The following AGTR1 variants were observed in gnomAD, a reference collection of about 807,000 sequenced individuals.
The protein encoded by AGTR1 is type-1 angiotensin II receptor.
In AGTR1, 16 loss-of-function variants were observed where a neutral mutation model predicts 19.4. That is an observed-to-expected ratio of 0.82 (90% CI 0.56 to 1.25). AGTR1 has a LOEUF of 1.25. Ranked by LOEUF, AGTR1 falls within the 50% of genes most tolerant of loss-of-function variation. The pLI, the probability that AGTR1 is intolerant of heterozygous loss-of-function variation, is 0.00. For missense variants in AGTR1, 373 were observed against 431.9 expected (o/e 0.86, Z 1.21); for synonymous variants, 153 against 154.9 (o/e 0.99, Z 0.09).
chr3:148,729,217 C>G (rs1714116719), intron 2 of AGTR1, among the ~76,000 whole-genome samples: 1 of 151,980 alleles, frequency 6.6e-6, no homozygotes. Context: ...CTTGCGATGG[C>G]AAAGTTAAAA....
chr3:148,718,371 G>A (rs757652869), intron 2 of AGTR1, among the ~76,000 whole-genome samples: 10 of 152,188 alleles, frequency 6.6e-5, no homozygotes, highest in Admixed American at 6.6e-4. Context: ...GCATATGCTA[G>A]GGAAAGGTTT....
At chr3:148,724,128 T>G (rs1406774359) in intron 2 of AGTR1, among the ~76,000 whole-genome samples, 1 of 152,202 alleles carries the variant, frequency 6.6e-6, no homozygotes, top group Non-Finnish European at 1.5e-5. Context: ...TAAGTTTATA[T>G]TTTAAAGTTA....
intron 2 of AGTR1, among the ~76,000 whole-genome samples, chr3:148,717,907 T>A (rs914303309): frequency 2.6e-5 from 4 of 152,236 alleles, no homozygotes; most frequent in African/African-American, 4.8e-5. Context: ...GAGATCTATA[T>A]AAAACACTAG....
At chr3:148,712,470 AG>A (rs1291689052) in intron 2 of AGTR1, among the ~76,000 whole-genome samples, 1 of 152,162 alleles carries the variant, frequency 6.6e-6, no homozygotes, top group Non-Finnish European at 1.5e-5. Context: ...TATAGACACC[AG>A]AAAAAAACAG....
intron 2 of AGTR1, among the ~76,000 whole-genome samples, chr3:148,712,969 G>A (rs1386762432): frequency 6.6e-6 from 1 of 152,018 alleles, no homozygotes; most frequent in Non-Finnish European, 1.5e-5. Flanking sequence ...GGCGCCCCCT[G>A]GACTTCTGCT....
intron 1 of AGTR1, chr3:148,698,399 G>A (rs1400273049): frequency 2.0e-5 from 3 of 152,252 alleles, no homozygotes; most frequent in African/African-American, 7.2e-5. Flanking sequence ...TCTTCCGAGT[G>A]CAAGGAAGAA....
At chr3:148,731,806 C>T (rs1714272809) in intron 2 of AGTR1, among the ~76,000 whole-genome samples, 1 of 152,138 alleles carries the variant, frequency 6.6e-6, no homozygotes, top group African/African-American at 2.4e-5. Context: ...ATTTTTACAG[C>T]ATTTTTATGT....
intron 2 of AGTR1, chr3:148,739,889 C>T: frequency 1.6e-6 from 2 of 1,231,946 alleles, no homozygotes; most frequent in Non-Finnish European, 2.0e-6. Context: ...AGCACCACTG[C>T]CCACCTAGCT....
chr3:148,741,488 C>G lies in AGTR1; in HGVS notation c.453C>G (p.Ile151Met), dbSNP rs1222372059. The G allele has an allele frequency of 6.2e-7, 1 of 1,613,600 alleles. No individual in the cohort carries two copies. Among genetic ancestry groups the G allele is most frequent in the East Asian group, 2.2e-5 (1 of 44,898 alleles). Residue 151 changes from isoleucine (I) to methionine (M), a missense_variant, in exon 3 of 3, where the codon ATC becomes ATG. Physicochemically the swap from Ile to Met is conservative, Grantham distance 10. Transcript: ENST00000349243. ...TTGTAGCCAAAGTCACCTGCATCAT[C>G]ATTTGGCTGCTGGCAGGCTTGGCCA... Reference protein sequence around the residue: ...TMLVAKVTCIIIWLLAGLASL... With the variant: ...TMLVAKVTCIMIWLLAGLASL...
chr3:148,712,168 C>G (rs1713023708), intron 2 of AGTR1, among the ~76,000 whole-genome samples: 1 of 151,920 alleles, frequency 6.6e-6, no homozygotes, highest in Admixed American at 6.6e-5. Context: ...TTGTCTTTTC[C>G]CTTCAATTAG....
intron 2 of AGTR1, among the ~76,000 whole-genome samples, chr3:148,714,918 T>G (rs1468687824): frequency 6.6e-6 from 1 of 152,182 alleles, no homozygotes; most frequent in African/African-American, 2.4e-5. Context: ...GCCACTAGAT[T>G]ATTTTTAATG....
chr3:148,731,884 CTA>C (rs1184038159), intron 2 of AGTR1, among the ~76,000 whole-genome samples: 2 of 152,158 alleles, frequency 1.3e-5, no homozygotes, highest in Non-Finnish European at 2.9e-5. Flanking sequence ...GAAAAGGAAA[CTA>C]TGTGATAAAA....
intron 2 of AGTR1, 122 bp from the exon 3 acceptor site, chr3:148,740,867 C>G (rs1559933571): frequency 2.5e-6 from 2 of 793,276 alleles, no homozygotes; most frequent in Non-Finnish European, 2.0e-6. Context: ...AAATATGATC[C>G]AGTATTTTTT....
intron 2 of AGTR1, among the ~76,000 whole-genome samples, chr3:148,718,549 G>T (rs1446898007): frequency 2.6e-5 from 4 of 152,178 alleles, no homozygotes; most frequent in Non-Finnish European, 5.9e-5. Flanking sequence ...TATCCAACTT[G>T]CAGTATAGGC....
intron 1 of AGTR1, among the ~76,000 whole-genome samples, chr3:148,705,204 A>G (rs12721309): frequency 0.012 from 1,786 of 152,264 alleles, 36 homozygotes; most frequent in African/African-American, 0.041. Flanking sequence ...AAAAAATCTC[A>G]TAGCATAGCA....
rs12721264 is a variant in AGTR1, at chr3:148,716,271, A to C, written c.-48+8244A>C. Among the ~76,000 whole-genome samples, 2,621 of 152,180 alleles carry C rather than the reference A, an allele frequency of 0.017. 69 individuals carry two copies. Among genetic ancestry groups the C allele is most frequent in the African/African-American group, 0.06 (2,485 of 41,512 alleles). ...CTTCTCTCATGGAAGCCCTGGTCTCACAGAACTAAAAAGGAGGCTCCTAGA... is the reference window on the plus strand; with the variant it reads ...CTTCTCTCATGGAAGCCCTGGTCTCCCAGAACTAAAAAGGAGGCTCCTAGA... On this transcript the variant is annotated intron_variant, in intron 2 of 2. Coordinates refer to ENST00000349243, the MANE Select transcript of AGTR1 (RefSeq NM_000685.5). The surrounding 1 kb of genome is among the most constrained non-coding windows in gnomAD (Gnocchi z 4.7).
chr3:148,714,161 C>G (rs1406242501), intron 2 of AGTR1, among the ~76,000 whole-genome samples: 1 of 152,122 alleles, frequency 6.6e-6, no homozygotes, highest in Non-Finnish European at 1.5e-5. Flanking sequence ...CACCTACATG[C>G]CAGACACTAT....
At chr3:148,725,730 G>C (rs6766005) in intron 2 of AGTR1, among the ~76,000 whole-genome samples, 2,366 of 152,138 alleles carry the variant, frequency 0.016, 72 homozygotes, top group African/African-American at 0.055. Flanking sequence ...TGATCCACCC[G>C]CCTCAGCCTC....
At chr3:148,727,245 T>C (rs1426370493) in intron 2 of AGTR1, among the ~76,000 whole-genome samples, 1 of 152,222 alleles carries the variant, frequency 6.6e-6, no homozygotes, top group African/African-American at 2.4e-5. Context: ...GTCCTCTCTC[T>C]TTCTCTCTTC....
Sources: allele counts gnomAD v4.1 joint callset (sites outside exome capture counted in the v4.1 genomes callset), GRCh38; gene constraint gnomAD v4.1.1; non-coding constraint Gnocchi (gnomAD v3.1); transcripts MANE v1.5; gene names NCBI Gene and HGNC (gene_info 2026-07-23, HGNC 2026-07-21).